ZNF653: variants seen among roughly 807,000 people sequenced by gnomAD.
ZNF653 encodes 67 kDa zinc finger protein.
In ZNF653, 37 loss-of-function variants were observed where a neutral mutation model predicts 59.9. That is an observed-to-expected ratio of 0.62 (90% CI 0.48 to 0.81). The LOEUF (loss-of-function observed/expected upper bound fraction) is 0.81, where lower values mean the gene tolerates loss of function less well. ZNF653 is among the 40% of genes least tolerant of loss of function. The probability of loss-of-function intolerance (pLI) is 0.00; values close to 1 mark genes in which losing one functional copy is unlikely to be tolerated. For synonymous variants in ZNF653, 435 were observed against 371.8 expected (o/e 1.17, Z -1.96); for missense variants, 808 against 881.1 (o/e 0.92, Z 1.05).
rs1971434978 is a variant in ZNF653 at position 11,483,875 on chromosome 19, G to A, written c.1671-16C>T. On this transcript the variant is annotated splice_polypyrimidine_tract_variant and intron_variant, in intron 8 of 8. Coordinates refer to ENST00000293771, the MANE Select transcript of ZNF653 (RefSeq NM_138783.4). The stretch of plus-strand genomic sequence containing the variant: ...GATCTCGCACCTGCCGGGAGCCCGT[G>A]GCGGGACGGGGCGGGGTCAGAGTGG... The A allele has an allele frequency of 1.3e-6, 2 of 1,552,134 alleles. No individual in the cohort carries two copies. Among genetic ancestry groups the A allele is most frequent in the Non-Finnish European group, 1.7e-6 (2 of 1,151,324 alleles).
chr19:11,485,271 T>C (rs577327864), intron 7 of ZNF653, among the ~76,000 whole-genome samples: 3 of 151,884 alleles, frequency 2.0e-5, no homozygotes, highest in African/African-American at 7.2e-5. Context: ...TGCCCAGCTC[T>C]CCTTCCTGCT....
In ZNF653 at chr19:11,483,502, G is replaced by A; in HGVS notation, c.*180C>T. ...CAATGCAGCCCCAGGCACCAGCTCC[G>A]AGAAGGATGCGGTGGGGCGGGGTGG... On this transcript the variant is annotated 3_prime_UTR_variant, in exon 9 of 9. Transcript: ENST00000293771. The A allele has an allele frequency of 1.4e-6, 2 of 1,398,918 alleles. No individual in the cohort carries two copies. The highest frequency in any genetic ancestry group is 3.2e-5 in the Admixed American group (1 of 31,552). 86.7% of individuals were successfully genotyped at this position (1,398,918 alleles called of 1,614,324 possible).
In ZNF653 at chr19:11,485,730, A is replaced by G; in HGVS notation, c.1496T>C (p.Val499Ala). ...NLVHRKGKTK[V>A]CPHPGCGKKF... ...CTTGCCACAGCCAGGATGAGGGCACACTTTGGTCTTTCCTTTCCGATGCAC... is the reference window on the plus strand; with the variant it reads ...CTTGCCACAGCCAGGATGAGGGCACGCTTTGGTCTTTCCTTTCCGATGCAC... Residue 499 changes from valine to alanine, a missense_variant, in exon 7 of 9, where the codon GTG becomes GCG. Physicochemically the swap from Val to Ala is moderately conservative, Grantham distance 64. Transcript: ENST00000293771. The G allele has an allele frequency of 6.2e-7, 1 of 1,614,032 alleles. No homozygotes were observed. Among genetic ancestry groups the G allele is most frequent in the Non-Finnish European group, 8.5e-7 (1 of 1,179,982 alleles).
chr19:11,492,961 G>T (rs1971544668), intron 3 of ZNF653, among the ~76,000 whole-genome samples: 1 of 152,134 alleles, frequency 6.6e-6, no homozygotes, highest in Admixed American at 6.5e-5. Flanking sequence ...TGCCCAGGCT[G>T]GTCTCGAACT....
intron 1 of ZNF653, among the ~76,000 whole-genome samples, chr19:11,503,246 C>G (rs1200613746): frequency 6.6e-6 from 1 of 152,154 alleles, no homozygotes; most frequent in Non-Finnish European, 1.5e-5. Context: ...GCCACACAAG[C>G]CTCTTCAGTG....
chr19:11,505,538 G>A lies in ZNF653; in HGVS notation c.249C>T (p.Leu83=). The part of the protein sequence containing the change: ...RRRSGWSDAK[L]AAYLISLERG... ...GCTCCAGAGAGATGAGGTAGGCGGC[G>A]AGCTTGGCGTCGCTCCAGCCGCTGC... Residue 83 remains leucine (L), a synonymous_variant, in exon 1 of 9, where the codon CTC becomes CTT. Coordinates refer to ENST00000293771, the MANE Select transcript of ZNF653 (RefSeq NM_138783.4). 1 of 1,514,772 alleles carries A rather than the reference G, an allele frequency of 6.6e-7. No individual in the cohort carries two copies. Among genetic ancestry groups the A allele is most frequent in the Non-Finnish European group, 8.7e-7 (1 of 1,143,204 alleles). The allele number at this position is 1,514,772 out of a possible 1,614,324, so 93.8% of individuals were successfully genotyped here.
intron 1 of ZNF653, among the ~76,000 whole-genome samples, chr19:11,502,229 C>G (rs1436350651): frequency 6.6e-6 from 1 of 152,112 alleles, no homozygotes; most frequent in Non-Finnish European, 1.5e-5. Flanking sequence ...GCAGCTGCGA[C>G]TACAGGCGTG....
chr19:11,495,970 G>A lies in ZNF653; in HGVS notation c.539C>T (p.Ser180Leu), dbSNP rs1296508749. The change falls in exon 3 of 9, where the codon TCA (serine) becomes TTA (leucine). Residue 180 changes from serine (S) to leucine (L), a missense_variant. Transcript: ENST00000293771. The surrounding 1 kb of genome is among the most constrained non-coding windows in gnomAD (Gnocchi z 4.9). ...CCTACCTTTGTCACTGTCAGGGTCT[G>A]AGTCGCTGAGGGGCTTCAGGGGCGA... is the stretch of plus-strand genomic sequence containing the variant. Reference protein sequence around the residue: ...LHSPLKPLSDSDPDSDKVGNG... With the variant: ...LHSPLKPLSDLDPDSDKVGNG... 1 of 1,614,116 alleles carries A rather than the reference G, an allele frequency of 6.2e-7. No individual in the cohort carries two copies. Among genetic ancestry groups the A allele is most frequent in the East Asian group, 2.2e-5 (1 of 44,890 alleles).
At position 11,486,882 on chromosome 19, in the gene ZNF653, T is replaced by C. The variant is rs1303802206; in HGVS notation, c.1344-2A>G. 1.2e-6 allele frequency: 2 copies of C among 1,611,022 alleles called. No individual in the cohort carries two copies. Among genetic ancestry groups the C allele is most frequent in the South Asian group, 1.1e-5 (1 of 90,688 alleles). On this transcript the variant is annotated splice_acceptor_variant, in intron 5 of 8. Transcript: ENST00000293771. LOFTEE classifies it high-confidence loss of function. ...CGCGACCGCTTGCTCCGCCGCCTCC[T>C]GGAGGGGAAGGGGCCATGACATCGG... is the stretch of plus-strand genomic sequence containing the variant.
At chr19:11,499,759 G>C (rs921091160) in intron 1 of ZNF653, among the ~76,000 whole-genome samples, 2 of 151,576 alleles carry the variant, frequency 1.3e-5, no homozygotes, top group African/African-American at 2.4e-5. Flanking sequence ...AAAAAATACA[G>C]AAATTACCCA....
At chr19:11,505,425 G>A in intron 1 of ZNF653, 63 bp downstream of exon 1, 1 of 1,360,806 alleles carries the variant, frequency 7.3e-7, no homozygotes, top group South Asian at 1.7e-5. Context: ...AGGGGGCGGG[G>A]TAAAGCCCGG....
At chr19:11,488,905 CTTT>C (rs944651834) in intron 3 of ZNF653, among the ~76,000 whole-genome samples, 1 of 137,434 alleles carries the variant, frequency 7.3e-6, no homozygotes, top group Non-Finnish European at 1.6e-5. Context: ...CTGAGTTTTT[CTTT>C]TTTTTTTTTG....
intron 3 of ZNF653, among the ~76,000 whole-genome samples, chr19:11,490,068 T>C (rs1971514616): frequency 6.6e-6 from 1 of 152,244 alleles, no homozygotes; most frequent in Admixed American, 6.5e-5. Flanking sequence ...GGACTTCAGA[T>C]GTCAGCTGCA....
chr19:11,504,181 C>G (rs896373853), intron 1 of ZNF653, among the ~76,000 whole-genome samples: 1 of 152,048 alleles, frequency 6.6e-6, no homozygotes, highest in African/African-American at 2.4e-5. Flanking sequence ...GCGGGTGGAT[C>G]ACGAGGTCAG....
Position 11,487,598 on chromosome 19 carries a change from G to A in ZNF653, c.865C>T (p.Pro289Ser). 6.2e-7 allele frequency: 1 copy of A among 1,613,864 alleles called. No homozygotes were observed. Among genetic ancestry groups the A allele is most frequent in the South Asian group, 1.1e-5 (1 of 91,084 alleles). ...GGCACGTTCTCAAAGAGGGCGCTGG[G>A]GCCCGCACCCACTTGCACAGGCACC... ...VPVPVQVGAG[P>S]SALFENVPQE... The change falls in exon 4 of 9, where the codon CCC (proline) becomes TCC (serine). Residue 289 changes from proline (P) to serine (S), a missense_variant. Physicochemically the swap from Pro to Ser is moderately conservative, Grantham distance 74 (BLOSUM62 -1). Coordinates refer to ENST00000293771, the MANE Select transcript of ZNF653 (RefSeq NM_138783.4). The surrounding 1 kb of genome is among the most constrained non-coding windows in gnomAD (Gnocchi z 5.1).
rs1305555100 is a variant in ZNF653, at chr19:11,495,941, C to T, written c.559+9G>A. On this transcript the variant is annotated intron_variant, in intron 3 of 8. Transcript: ENST00000293771. The surrounding 1 kb of genome is among the most constrained non-coding windows in gnomAD (Gnocchi z 4.9). ...CGGCCCCCTATGTGCCCTCGCCCTGCAGACCTACCTTTGTCACTGTCAGGG... is the reference window on the plus strand; with the variant it reads ...CGGCCCCCTATGTGCCCTCGCCCTGTAGACCTACCTTTGTCACTGTCAGGG... The T allele has an allele frequency of 1.2e-6, 2 of 1,613,124 alleles. No individual in the cohort carries two copies. The highest frequency in any genetic ancestry group is 2.2e-5 in the East Asian group (1 of 44,884).
At chr19:11,484,362 C>T (rs1412811129) in intron 7 of ZNF653, among the ~76,000 whole-genome samples, 1 of 152,024 alleles carries the variant, frequency 6.6e-6, no homozygotes, top group Non-Finnish European at 1.5e-5. Flanking sequence ...ATAGGGTGCA[C>T]ACTACCAAGC....
At chr19:11,489,360 T>C (rs1971506898) in intron 3 of ZNF653, among the ~76,000 whole-genome samples, 1 of 152,098 alleles carries the variant, frequency 6.6e-6, no homozygotes, top group African/African-American at 2.4e-5. Flanking sequence ...CAACCACACC[T>C]GGCTAATTTT....
At chr19:11,490,668 C>T (rs554830302) in intron 3 of ZNF653, among the ~76,000 whole-genome samples, 1 of 152,198 alleles carries the variant, frequency 6.6e-6, no homozygotes, top group South Asian at 2.1e-4. Context: ...GCTGGGATTA[C>T]AGGTGTGAGC....
Sources: gnomAD v4.1 joint callset for allele counts (sites outside exome capture counted in the v4.1 genomes callset) on GRCh38, gnomAD v4.1.1 for gene constraint, Gnocchi (gnomAD v3.1) non-coding constraint, MANE v1.5 for transcripts, NCBI Gene and HGNC (gene_info 2026-07-23, HGNC 2026-07-21) for gene names.